Variants in MIPOL1 observed in about 807,000 individuals in gnomAD.
MIPOL1 encodes the protein mirror-image polydactyly 1, also known as mirror-image polydactyly gene 1 protein.
In MIPOL1, 57 loss-of-function variants were observed where a neutral mutation model predicts 60.9. The observed-to-expected ratio is 0.94, with a 90% CI of 0.76 to 1.17. MIPOL1 has a LOEUF of 1.17. Among genes scored for constraint, MIPOL1 ranks in the 50% most tolerant of loss-of-function variants. The pLI is 0.00. For missense variants in MIPOL1, 551 were observed against 511.6 expected (o/e 1.08, Z -0.74); for synonymous variants, 179 against 168.8 (o/e 1.06, Z -0.47).
At chr14:37,428,150 C>T (rs907814776) in intron 11 of MIPOL1, among the ~76,000 whole-genome samples, 4 of 152,056 alleles carry the variant, frequency 2.6e-5, no homozygotes, top group Admixed American at 6.6e-5. Context: ...AGAATACAGC[C>T]GGCATGTATA....
intron 1 of MIPOL1, among the ~76,000 whole-genome samples, chr14:37,232,436 A>G (rs1237896949): frequency 2.0e-5 from 3 of 152,144 alleles, no homozygotes; most frequent in Non-Finnish European, 4.4e-5. Flanking sequence ...TCAATATTTT[A>G]TATAAAAGGA....
intron 12 of MIPOL1, chr14:37,507,064 C>G (rs529860695): frequency 1.3e-5 from 2 of 152,264 alleles, no homozygotes; most frequent in South Asian, 2.1e-4. Flanking sequence ...ATAACCATCT[C>G]ATGCCAGTTA....
chr14:37,269,378 G>A (rs1194302176), intron 5 of MIPOL1, among the ~76,000 whole-genome samples: 1 of 151,116 alleles, frequency 6.6e-6, no homozygotes, highest in Non-Finnish European at 1.5e-5. Flanking sequence ...TGCATTTTCT[G>A]TGTCTTCTTT....
intron 10 of MIPOL1, among the ~76,000 whole-genome samples, chr14:37,416,691 A>T (rs1038784356): frequency 7.9e-5 from 12 of 152,166 alleles, no homozygotes; most frequent in African/African-American, 2.7e-4. Flanking sequence ...TATGACAAAG[A>T]AAAAGAAAAC....
intron 11 of MIPOL1, among the ~76,000 whole-genome samples, chr14:37,476,474 A>T (rs916506336): frequency 3.9e-5 from 6 of 152,180 alleles, no homozygotes; most frequent in Non-Finnish European, 7.3e-5. Context: ...TGCGATGTTG[A>T]ATAGAAGTAG....
chr14:37,314,207 T>G (rs2087638420), intron 9 of MIPOL1, among the ~76,000 whole-genome samples: 1 of 151,480 alleles, frequency 6.6e-6, no homozygotes, highest in African/African-American at 2.4e-5. Flanking sequence ...TAGTGGCTTA[T>G]TTTTTTTATC....
intron 9 of MIPOL1, among the ~76,000 whole-genome samples, chr14:37,327,224 C>T (rs546047335): frequency 6.6e-6 from 1 of 152,078 alleles, no homozygotes; most frequent in South Asian, 2.1e-4. Context: ...GGAAGAAATC[C>T]AGGTAAGAAA....
intron 7 of MIPOL1, among the ~76,000 whole-genome samples, chr14:37,288,014 A>G (rs987534262): frequency 6.6e-6 from 1 of 152,198 alleles, no homozygotes; most frequent in Non-Finnish European, 1.5e-5. Context: ...TTGAAGTAAA[A>G]TTAATATAAG....
At chr14:37,260,897 ATGTAATTAATAACAGAT>A (rs1257742850) in intron 3 of MIPOL1, among the ~76,000 whole-genome samples, 10 of 152,130 alleles carry the variant, frequency 6.6e-5, no homozygotes, top group Non-Finnish European at 2.9e-5. Context: ...ATCATAGAAT[ATGTAATTAATAACAGAT>A]TGTAATTAAT....
chr14:37,520,733 TTATAA>T (rs1392886936), intron 12 of MIPOL1, among the ~76,000 whole-genome samples: 1 of 152,042 alleles, frequency 6.6e-6, no homozygotes, highest in African/African-American at 2.4e-5. Flanking sequence ...TCTTTAATAC[TTATAA>T]TATGTAACAT....
chr14:37,234,439 C>A (rs1004089239), intron 1 of MIPOL1, among the ~76,000 whole-genome samples: 2 of 147,966 alleles, frequency 1.4e-5, no homozygotes, highest in African/African-American at 4.9e-5. Flanking sequence ...GATCCACCCA[C>A]CTTGGCATCT....
chr14:37,239,628 A>G (rs185829599), intron 1 of MIPOL1, among the ~76,000 whole-genome samples: 25 of 152,324 alleles, frequency 1.6e-4, no homozygotes, highest in African/African-American at 4.1e-4. Flanking sequence ...ATTTGTATGT[A>G]TAGTTCAGCT....
chr14:37,453,564 C>T (rs1312315866), intron 11 of MIPOL1, among the ~76,000 whole-genome samples: 1 of 151,990 alleles, frequency 6.6e-6, no homozygotes, highest in Non-Finnish European at 1.5e-5. Context: ...ACCTGTTTAG[C>T]TCCATTTTTT....
intron 1 of MIPOL1, among the ~76,000 whole-genome samples, chr14:37,239,736 C>T (rs1423535102): frequency 2.6e-5 from 4 of 152,026 alleles, no homozygotes; most frequent in Non-Finnish European, 5.9e-5. Context: ...TTAATGAAAA[C>T]ATTTATTAAG....
chr14:37,365,152 A>G (rs761940689), intron 9 of MIPOL1, among the ~76,000 whole-genome samples: 11 of 152,210 alleles, frequency 7.2e-5, no homozygotes, highest in Admixed American at 1.3e-4. Flanking sequence ...ATCATCTGCA[A>G]ACAAGGATAA....
rs113524316 is a variant in MIPOL1, at chr14:37,442,255, T to A, written c.1031+19306T>A. Among the ~76,000 whole-genome samples the A allele has an allele frequency of 3.1e-3, 469 of 152,242 alleles. 4 individuals carry two copies. The highest frequency in any genetic ancestry group is 0.031 in the Middle Eastern group (9 of 294). On this transcript the variant is annotated intron_variant, in intron 11 of 12. Coordinates refer to ENST00000684589, the MANE Select transcript of MIPOL1 (RefSeq NM_001388067.1). ...ACACTTTAGCGAAGTTGTTTATTAC[T>A]TCCAGGAGCCTTTTCACAGAGTCTT...
intron 6 of MIPOL1, among the ~76,000 whole-genome samples, chr14:37,272,636 G>A (rs1001677133): frequency 1.3e-5 from 2 of 151,510 alleles, no homozygotes; most frequent in African/African-American, 4.8e-5. Flanking sequence ...GAGCAGTATA[G>A]GACTATGATG....
At chr14:37,525,897 C>A (rs976680584) in intron 12 of MIPOL1, among the ~76,000 whole-genome samples, 1 of 152,110 alleles carries the variant, frequency 6.6e-6, no homozygotes, top group African/African-American at 2.4e-5. Context: ...TTGCTTTGTG[C>A]CCATATTAAT....
intron 1 of MIPOL1, among the ~76,000 whole-genome samples, chr14:37,214,388 A>G (rs1338635613): frequency 4.6e-5 from 7 of 152,168 alleles, no homozygotes; most frequent in Admixed American, 1.3e-4. Context: ...GTTAATGAGA[A>G]TAGTGTTGTT....
Sources: gnomAD v4.1 joint callset for allele counts (sites outside exome capture counted in the v4.1 genomes callset) on GRCh38, gnomAD v4.1.1 for gene constraint, MANE v1.5 for transcripts, NCBI Gene and HGNC (gene_info 2026-07-23, HGNC 2026-07-21) for gene names.